The following MCCC2 variants were observed in gnomAD, a reference collection of about 807,000 sequenced individuals.
MCCC2 encodes the protein methylcrotonoyl-CoA carboxylase beta chain, mitochondrial.
A neutral mutation model predicts 77.2 loss-of-function variants in MCCC2; 52 were observed. That is an observed-to-expected ratio of 0.67 (90% CI 0.54 to 0.85). The LOEUF is 0.85. MCCC2 is among the 40% of genes least tolerant of loss of function. The pLI is 0.00. For synonymous variants in MCCC2, 253 were observed against 248.4 expected, an observed-to-expected ratio of 1.02 and a Z score of -0.18; for missense variants, 682 against 703.2, an observed-to-expected ratio of 0.97 and a Z score of 0.34.
At chr5:71,595,606 A>T (rs954898314) in intron 2 of MCCC2, among the ~76,000 whole-genome samples, 3 of 152,206 alleles carry the variant, frequency 2.0e-5, no homozygotes, top group African/African-American at 7.2e-5. Context: ...TTAAAGGTAC[A>T]ATTTGATACT....
chr5:71,590,109 AACAC>A (rs145490017), intron 1 of MCCC2, among the ~76,000 whole-genome samples: 3 of 151,188 alleles, frequency 2.0e-5, no homozygotes, highest in African/African-American at 2.4e-5. Flanking sequence ...AGGTGATTAA[AACAC>A]ACACACACAC....
rs1747632920 is a variant in MCCC2 at position 71,658,152 on chromosome 5, A to C, written c.*1292A>C. 6.6e-6 allele frequency: 1 copy of C among 152,152 alleles called. No homozygotes were observed. The allele number at this position is 152,152 out of a possible 1,614,324, so 9.4% of individuals were successfully genotyped here. On this transcript the variant is annotated 3_prime_UTR_variant, in exon 17 of 17. Transcript: ENST00000340941. Reference sequence around the variant, plus strand: ...GTAGAAGTGCCAATCCCTGAATGCCACCAAGATCTTAATCTTCACATCTTT... The same window carrying C: ...GTAGAAGTGCCAATCCCTGAATGCCCCCAAGATCTTAATCTTCACATCTTT...
chr5:71,650,644 T>C (rs1178758928), intron 15 of MCCC2, among the ~76,000 whole-genome samples: 1 of 150,860 alleles, frequency 6.6e-6, no homozygotes, highest in Non-Finnish European at 1.5e-5. Flanking sequence ...TTTGTATTTT[T>C]ATTTATTTAT....
At chr5:71,642,963 A>T (rs116600437) in intron 11 of MCCC2, among the ~76,000 whole-genome samples, 142 of 147,250 alleles carry the variant, frequency 9.6e-4, no homozygotes, top group African/African-American at 3.4e-3. Context: ...TGATCTCGCC[A>T]TTGCATTCCA....
intron 6 of MCCC2, among the ~76,000 whole-genome samples, chr5:71,618,664 G>A (rs1746263628): frequency 6.6e-6 from 1 of 151,918 alleles, no homozygotes; most frequent in African/African-American, 2.4e-5. Context: ...GGGATTATAA[G>A]CATGAGCCAC....
chr5:71,620,983 C>G (rs1746331107), intron 6 of MCCC2, among the ~76,000 whole-genome samples: 1 of 152,124 alleles, frequency 6.6e-6, no homozygotes, highest in African/African-American at 2.4e-5. Flanking sequence ...GATGCAGGTC[C>G]CTGTGATGTC....
chr5:71,642,027 G>A (rs1747134312), intron 11 of MCCC2, among the ~76,000 whole-genome samples: 1 of 152,196 alleles, frequency 6.6e-6, no homozygotes, highest in African/African-American at 2.4e-5. Flanking sequence ...TTTAAAACAA[G>A]TCAAAGCCAT....
chr5:71,616,604 A>C (rs1216697331), intron 6 of MCCC2, among the ~76,000 whole-genome samples: 1 of 152,192 alleles, frequency 6.6e-6, no homozygotes, highest in African/African-American at 2.4e-5. Flanking sequence ...CATTGAACAC[A>C]TTAACTTCCC....
intron 6 of MCCC2, among the ~76,000 whole-genome samples, chr5:71,605,946 G>C (rs572423945): frequency 6.6e-6 from 1 of 152,218 alleles, no homozygotes; most frequent in East Asian, 1.9e-4. Context: ...CTCTGTTTTG[G>C]TACCAATACC....
At chr5:71,637,917 T>C (rs1746985696) in intron 10 of MCCC2, among the ~76,000 whole-genome samples, 1 of 152,066 alleles carries the variant, frequency 6.6e-6, no homozygotes, top group African/African-American at 2.4e-5. Flanking sequence ...TTTCACCGTA[T>C]TAGCCAGGAT....
chr5:71,622,982 C>T (rs900720090), intron 6 of MCCC2, among the ~76,000 whole-genome samples: 4 of 152,000 alleles, frequency 2.6e-5, no homozygotes, highest in Admixed American at 2.6e-4. Context: ...GAAAGTTGTA[C>T]ATATTTCTGC....
At chr5:71,631,642 G>A (rs1180834248) in intron 7 of MCCC2, among the ~76,000 whole-genome samples, 4 of 150,164 alleles carry the variant, frequency 2.7e-5, no homozygotes, top group South Asian at 2.1e-4. Flanking sequence ...CCGGGTTCAC[G>A]CCATTCTCCT....
intron 8 of MCCC2, among the ~76,000 whole-genome samples, chr5:71,632,437 A>C (rs564718074): frequency 6.6e-6 from 1 of 152,288 alleles, no homozygotes; most frequent in South Asian, 2.1e-4. Flanking sequence ...GGCACCTGTT[A>C]TGTAGCAGGC....
At chr5:71,648,300 C>T (rs1025979120) in intron 13 of MCCC2, among the ~76,000 whole-genome samples, 2 of 152,050 alleles carry the variant, frequency 1.3e-5, no homozygotes, top group East Asian at 3.9e-4. Context: ...AGGAGACAAG[C>T]GAAGCCCAAC....
chr5:71,592,577 A>G (rs536129110), intron 1 of MCCC2, among the ~76,000 whole-genome samples: 1 of 152,332 alleles, frequency 6.6e-6, no homozygotes, highest in South Asian at 2.1e-4. Flanking sequence ...AATAGAGATC[A>G]GTTTAAGTTC....
chr5:71,631,694 C>G (rs1351720056), intron 7 of MCCC2, among the ~76,000 whole-genome samples: 9 of 150,406 alleles, frequency 6.0e-5, no homozygotes, highest in African/African-American at 7.3e-5. Context: ...GCGCCCGCCA[C>G]CGCGCCCAGC....
At chr5:71,604,218 C>A in intron 5 of MCCC2, 138 bp from the exon 6 acceptor site, 1 of 733,730 alleles carries the variant, frequency 1.4e-6, no homozygotes, top group Non-Finnish European at 2.4e-6. Context: ...GAGAACGAGG[C>A]TCTATAACAG....
At chr5:71,635,681 A>G in intron 10 of MCCC2, 1 of 304,288 alleles carries the variant, frequency 3.3e-6, no homozygotes, top group Non-Finnish European at 6.4e-6. Flanking sequence ...ACCTGATTAC[A>G]GTTGAAAATG....
intron 2 of MCCC2, among the ~76,000 whole-genome samples, chr5:71,594,888 A>C (rs1745113845): frequency 7.7e-6 from 1 of 130,694 alleles, no homozygotes; most frequent in South Asian, 2.7e-4. Flanking sequence ...ATGTTGTCTT[A>C]AGTCTCTCTC....
Sources: gnomAD v4.1 joint callset for allele counts (sites outside exome capture counted in the v4.1 genomes callset) on GRCh38, gnomAD v4.1.1 for gene constraint, MANE v1.5 for transcripts, NCBI Gene and HGNC (gene_info 2026-07-23, HGNC 2026-07-21) for gene names.